DNAH6: variants seen among roughly 807,000 people sequenced by gnomAD.
DNAH6 encodes dynein axonemal heavy chain 6, also known as axonemal beta dynein heavy chain 6.
DNAH6 carries 340 observed loss-of-function variants against 491.4 expected under a neutral mutation model. The observed-to-expected ratio is 0.69, with a 90% CI of 0.63 to 0.76. DNAH6 has a LOEUF of 0.76. Among genes scored for constraint, DNAH6 ranks in the 30% least tolerant of loss-of-function variants. The pLI is 0.00. For missense variants in DNAH6, 4,443 were observed against 4,972.2 expected, an observed-to-expected ratio of 0.89 and a Z score of 3.20; for synonymous variants, 1,603 against 1,686.1, an observed-to-expected ratio of 0.95 and a Z score of 1.21.
At chr2:84,803,273 G>A (rs180907609) in intron 70 of DNAH6, among the ~76,000 whole-genome samples, 1 of 152,068 alleles carries the variant, frequency 6.6e-6, no homozygotes, top group African/African-American at 2.4e-5. Flanking sequence ...GTAAAGATGG[G>A]AACAATAGAC....
intron 71 of DNAH6, 118 bp from the exon 72 acceptor site, chr2:84,808,297 G>T (rs1363498037): frequency 3.5e-6 from 4 of 1,151,064 alleles, no homozygotes; most frequent in Non-Finnish European, 3.6e-6. Context: ...TATGTATCTG[G>T]CTTAAACAAT....
Position 84,607,095 on chromosome 2 carries a change from GGTGA to G in DNAH6, c.3294+3_3294+6del. 6.4e-7 allele frequency: 1 copy of G among 1,550,742 alleles called. No individual in the cohort carries two copies. Among genetic ancestry groups the G allele is most frequent in the Non-Finnish European group, 8.7e-7 (1 of 1,146,288 alleles). ...AACTTGCTTTATTTAATCAAACACT[GGTGA>G]GTAAGAATAATTTTGATTCATACAC... On this transcript the variant is annotated splice_donor_variant and splice_donor_region_variant and intron_variant, in intron 21 of 76. Coordinates refer to ENST00000389394, the MANE Select transcript of DNAH6 (RefSeq NM_001370.2). LOFTEE classifies it high-confidence loss of function.
Position 84,640,652 on chromosome 2 carries a change from A to G in DNAH6, c.4970+74A>G, listed in dbSNP as rs555591919. ...ATGCATTAAATGGGTAACTCAGGAA[A>G]GGCTCTCAGAGAGTAACTGATTAAT... On this transcript the variant is annotated intron_variant, in intron 32 of 76. Coordinates refer to ENST00000389394, the MANE Select transcript of DNAH6 (RefSeq NM_001370.2). 22 of 1,388,732 alleles carry G rather than the reference A, an allele frequency of 1.6e-5. No homozygotes were observed. In the African/African-American group the frequency reaches 2.9e-4, roughly 18 times the overall value. The allele number at this position is 1,388,732 out of a possible 1,614,324, so 86.0% of individuals were successfully genotyped here.
chr2:84,596,278 G>A (rs1479291624), intron 18 of DNAH6, among the ~76,000 whole-genome samples: 2 of 152,058 alleles, frequency 1.3e-5, no homozygotes, highest in East Asian at 3.8e-4. Context: ...GTTAAGAAAC[G>A]GGATATGATT....
intron 63 of DNAH6, among the ~76,000 whole-genome samples, chr2:84,755,366 A>G (rs890925206): frequency 6.6e-6 from 1 of 152,212 alleles, no homozygotes; most frequent in Admixed American, 6.5e-5. Context: ...TTCAGCCTCC[A>G]GAACCATAAG....
chr2:84,717,340 ATTCT>A (rs1408991993), intron 58 of DNAH6, among the ~76,000 whole-genome samples: 5 of 152,212 alleles, frequency 3.3e-5, no homozygotes, highest in Admixed American at 2.6e-4. Flanking sequence ...GATTTTTAGT[ATTCT>A]TTATATAATA....
At chr2:84,528,504 G>C (rs1276857055) in intron 3 of DNAH6, among the ~76,000 whole-genome samples, 1 of 152,120 alleles carries the variant, frequency 6.6e-6, no homozygotes, top group Non-Finnish European at 1.5e-5. Context: ...TCACTGAAGA[G>C]CATCAAGGTG....
At chr2:84,690,198 T>C (rs1694708951) in intron 45 of DNAH6, among the ~76,000 whole-genome samples, 1 of 152,220 alleles carries the variant, frequency 6.6e-6, no homozygotes, top group African/African-American at 2.4e-5. Flanking sequence ...TTAGCGTTGG[T>C]CCTTGTTAAT....
chr2:84,468,585 C>T, the DNAH6 span, among the ~76,000 whole-genome samples: 41 of 152,224 alleles, frequency 2.7e-4, no homozygotes, highest in African/African-American at 8.7e-4. Context: ...AAATTTAAGA[C>T]AGTACAGGGA....
At chr2:84,530,404 A>G (rs1677051420) in intron 4 of DNAH6, among the ~76,000 whole-genome samples, 1 of 152,158 alleles carries the variant, frequency 6.6e-6, no homozygotes. Flanking sequence ...TCCAGGCAGC[A>G]GGAAAATGAA....
chr2:84,501,647 C>T, the DNAH6 span, among the ~76,000 whole-genome samples: 5 of 146,380 alleles, frequency 3.4e-5, no homozygotes, highest in Non-Finnish European at 7.5e-5. Context: ...GCAGTGAAGC[C>T]TTCAGGTCCT....
intron 33 of DNAH6, among the ~76,000 whole-genome samples, chr2:84,652,600 C>T (rs1178241246): frequency 6.6e-6 from 1 of 151,984 alleles, no homozygotes; most frequent in Non-Finnish European, 1.5e-5. Context: ...AGATTTCCTG[C>T]CTTTCTTAGA....
At chr2:84,582,267 C>T (rs1022805862) in intron 14 of DNAH6, among the ~76,000 whole-genome samples, 5 of 152,176 alleles carry the variant, frequency 3.3e-5, no homozygotes, top group East Asian at 1.9e-4. Flanking sequence ...CTCCTTCTCT[C>T]ATCTCTGCTA....
chr2:84,659,190 A>AT, intron 37 of DNAH6, 21 bp downstream of exon 37: 1 of 1,243,718 alleles, frequency 8.0e-7, no homozygotes, highest in Non-Finnish European at 1.1e-6. Context: ...AATAAATTAT[A>AT]TTTTAACATA....
At chr2:84,776,137 C>G (rs1382445259) in intron 64 of DNAH6, among the ~76,000 whole-genome samples, 1 of 152,086 alleles carries the variant, frequency 6.6e-6, no homozygotes, top group Non-Finnish European at 1.5e-5. Context: ...CAATTATGCA[C>G]AAGACATACG....
chr2:84,815,091 A>T (rs1461677882), intron 75 of DNAH6, among the ~76,000 whole-genome samples: 2 of 152,250 alleles, frequency 1.3e-5, no homozygotes, highest in Non-Finnish European at 2.9e-5. Context: ...AGGTAGCAGG[A>T]TAGTTTTCAG....
chr2:84,513,246 T>C (rs898747093), upstream of DNAH6, among the ~76,000 whole-genome samples: 22 of 152,168 alleles, frequency 1.4e-4, no homozygotes, highest in Non-Finnish European at 2.5e-4. Flanking sequence ...GGTTGAAAAT[T>C]GGATATTGGA....
In DNAH6 at chr2:84,571,079, C is replaced by T. The variant is rs148211876; in HGVS notation, c.1804-2388C>T. Among the ~76,000 whole-genome samples, 178 of 152,200 alleles carry T rather than the reference C, an allele frequency of 1.2e-3. 1 individual carries two copies. Among genetic ancestry groups the T allele is most frequent in the African/African-American group, 4.0e-3 (168 of 41,530 alleles). On this transcript the variant is annotated intron_variant, in intron 11 of 76. Transcript: ENST00000389394. ...ACACGCTGGGACAATTTGATCACTA[C>T]CAAATCCTTTGAATAAAATGAGAAT...
rs555919409 is a variant in DNAH6, at chr2:84,762,901, G to A, written c.10659G>A (p.Met3553Ile). The A allele has an allele frequency of 1.2e-5, 19 of 1,551,530 alleles. No individual in the cohort carries two copies. In the East Asian group the frequency reaches 1.7e-4, roughly 14 times the overall value. The change falls in exon 64 of 77, where the codon ATG (methionine) becomes ATA (isoleucine). Residue 3553 changes from methionine (M) to isoleucine (I), a missense_variant. Physicochemically the swap from Met to Ile is conservative, Grantham distance 10. Around this residue, in one of 3 missense-constraint regions of DNAH6, gnomAD observed 1,463 missense variants for 1,656.6 expected, o/e 0.88. Coordinates refer to ENST00000389394, the MANE Select transcript of DNAH6 (RefSeq NM_001370.2). Reference protein sequence around the residue: ...VFILSTGSDPMGAFQRFARES... With the variant: ...VFILSTGSDPIGAFQRFARES... ...TCCTAAGCACAGGCTCAGATCCCAT[G>A]GGTGCATTTCAGAGGTTTGCCAGGG...
Sources: allele counts gnomAD v4.1 joint callset (sites outside exome capture counted in the v4.1 genomes callset), GRCh38; gene constraint gnomAD v4.1.1; regional missense constraint gnomAD v4.1.1; transcripts MANE v1.5; gene names NCBI Gene and HGNC (gene_info 2026-07-23, HGNC 2026-07-21).